DMD: variants seen among roughly 807,000 people sequenced by gnomAD.
The protein encoded by DMD is mutant dystrophin.
DMD carries 63 observed loss-of-function variants against 330.1 expected under a neutral mutation model. That is an observed-to-expected ratio of 0.19 (90% CI 0.16 to 0.24). The LOEUF is 0.24. Among genes scored for constraint, DMD ranks in the 10% least tolerant of loss-of-function variants. The pLI is 1.00. For missense variants in DMD, 3,344 were observed against 2,684.1 expected (o/e 1.25, Z -5.43); for synonymous variants, 1,223 against 959.8 (o/e 1.27, Z -5.07).
chrX:32,310,130 G>A lies in DMD; in HGVS notation c.6069C>T (p.Leu2023=). The A allele has an allele frequency of 8.3e-7, 1 of 1,209,406 alleles. No homozygotes were observed. Residue 2023 remains leucine, a synonymous_variant, in exon 42 of 79, where the codon CTC becomes CTT. Transcript: ENST00000357033. ...AGAGATCTTCAAAGTCCTTAGCACA[G>A]AGGTCAGGAGCATTGAGAAGTTGTT... ...EVEQLLNAPD[L]CAKDFEDLFK...
At chrX:32,862,417 G>A (rs2082136868) in intron 2 of DMD, among the ~76,000 whole-genome samples, 1 of 111,578 alleles carries the variant, frequency 9.0e-6, no homozygotes, top group South Asian at 3.7e-4. Context: ...TAAGTGGGAT[G>A]TTATGAACCC....
chrX:32,617,670 T>G (rs1002817091), intron 11 of DMD, among the ~76,000 whole-genome samples: 15 of 111,418 alleles, frequency 1.3e-4, no homozygotes, highest in African/African-American at 4.6e-4. Flanking sequence ...CTTTTGAATA[T>G]GACTGTAAAA....
At chrX:32,297,275 T>TTTA (rs1301304846) in intron 42 of DMD, among the ~76,000 whole-genome samples, 21 of 78,030 alleles carry the variant, frequency 2.7e-4, no homozygotes, top group African/African-American at 1.0e-3. Context: ...TTATTTATTA[T>TTTA]TTATTTATTT....
At chrX:31,584,217 C>T (rs1367686980) in intron 55 of DMD, among the ~76,000 whole-genome samples, 1 of 109,352 alleles carries the variant, frequency 9.1e-6, no homozygotes, top group Admixed American at 9.8e-5. Context: ...AGATATTAAG[C>T]CCAGCATGCA....
At chrX:32,489,652 A>G (rs2042808664) in intron 20 of DMD, among the ~76,000 whole-genome samples, 1 of 111,688 alleles carries the variant, frequency 9.0e-6, no homozygotes. Flanking sequence ...GACTCAGCTG[A>G]TTAATACACT....
At position 32,573,412 on chromosome X, in the gene DMD, T is replaced by C. The variant is rs66481382; in HGVS notation, c.1812+118A>G. On this transcript the variant is annotated intron_variant, in intron 15 of 78. Transcript: ENST00000357033. Reference sequence around the variant, plus strand: ...GTAGCAATATAACATCTTTGAATAATCTATGATCCAAGCAAAAATAAACAT... The same window carrying C: ...GTAGCAATATAACATCTTTGAATAACCTATGATCCAAGCAAAAATAAACAT... 11,204 of 597,430 alleles carry C rather than the reference T, an allele frequency of 0.019. 837 individuals are homozygous for C. In the African/African-American group the frequency reaches 0.22, roughly 12 times the overall value. 49.2% of individuals were successfully genotyped at this position (597,430 alleles called of 1,213,427 possible).
intron 44 of DMD, among the ~76,000 whole-genome samples, chrX:32,137,224 A>G (rs773868772): frequency 9.9e-5 from 11 of 111,511 alleles, no homozygotes; most frequent in Non-Finnish European, 1.9e-4. Flanking sequence ...TGATTTGTGT[A>G]TGCCATCGCC....
In DMD at chrX:32,365,117, C is replaced by G. The variant is rs373723470; in HGVS notation, c.4928G>C (p.Gly1643Ala). 1.7e-6 allele frequency: 2 copies of G among 1,208,571 alleles called. No individual in the cohort carries two copies. The highest frequency in any genetic ancestry group is 2.2e-6 in the Non-Finnish European group (2 of 894,649). Residue 1643 changes from glycine (G) to alanine (A), a missense_variant, in exon 35 of 79, where the codon GGC (glycine) becomes GCC (alanine). Gly to Ala is a moderately conservative substitution (Grantham distance 60). Coordinates refer to ENST00000357033, the MANE Select transcript of DMD (RefSeq NM_004006.3). ...ATCTTCCACCAACGTCTCCTTCTTG[C>G]CCAAAACTGTTTTCAAGGCCTCTCC... is the stretch of plus-strand genomic sequence containing the variant. Reference protein sequence around the residue: ...EVGEALKTVLGKKETLVEDKL... With the variant: ...EVGEALKTVLAKKETLVEDKL...
chrX:32,999,897 T>C (rs1209800173), intron 2 of DMD, among the ~76,000 whole-genome samples: 1 of 112,986 alleles, frequency 8.9e-6, no homozygotes, highest in Non-Finnish European at 1.9e-5. Context: ...CATTGTTGCA[T>C]ACTTGAAGCG....
At chrX:31,868,443 A>G (rs972364379) in intron 48 of DMD, among the ~76,000 whole-genome samples, 1 of 112,035 alleles carries the variant, frequency 8.9e-6, no homozygotes. Flanking sequence ...TTTTCATGGC[A>G]ATATAATTAT....
At chrX:33,010,668 C>CA (rs2093685672) in intron 2 of DMD, among the ~76,000 whole-genome samples, 1 of 111,344 alleles carries the variant, frequency 9.0e-6, no homozygotes, top group South Asian at 3.7e-4. Context: ...TTAACTCATT[C>CA]AGTTTTTGAG....
chrX:32,353,239 C>G (rs1188923674), intron 37 of DMD, among the ~76,000 whole-genome samples: 1 of 111,263 alleles, frequency 9.0e-6, no homozygotes, highest in Admixed American at 9.5e-5. Context: ...TAGGCTATGC[C>G]CATTCTAAAA....
Position 31,507,403 on chromosome X carries a change from A to T in DMD, c.8268T>A (p.Asp2756Glu). ...EAHTDVYHNLDENSQKILRSL... is the reference protein window; with the variant it reads ...EAHTDVYHNLEENSQKILRSL... The stretch of plus-strand genomic sequence containing the variant: ...ATCTCAGGATTTTTTGGCTGTTTTC[A>T]TCCAGGTTGTGATAAACATCTGTGT... Residue 2756 changes from aspartate to glutamate, a missense_variant, in exon 56 of 79, where the codon GAT (aspartate) becomes GAA (glutamate). Asp to Glu is a conservative substitution (Grantham distance 45). Transcript: ENST00000357033. 1.7e-6 allele frequency: 2 copies of T among 1,211,109 alleles called. No individual in the cohort carries two copies. Among genetic ancestry groups the T allele is most frequent in the Non-Finnish European group, 2.2e-6 (2 of 894,963 alleles).
chrX:33,009,691 CAT>C (rs1491487852), intron 2 of DMD, among the ~76,000 whole-genome samples: 5 of 38,919 alleles, frequency 1.3e-4, no homozygotes, highest in Non-Finnish European at 2.6e-4. Flanking sequence ...TGTATATGCA[CAT>C]ATGTGTGTAT....
At chrX:31,233,649 T>C (rs896840072) in intron 63 of DMD, among the ~76,000 whole-genome samples, 2 of 112,153 alleles carry the variant, frequency 1.8e-5, no homozygotes, top group African/African-American at 6.5e-5. Context: ...GTAAATTTCC[T>C]CATCTGCTTT....
At chrX:33,203,187 C>T (rs902271220) in intron 1 of DMD, among the ~76,000 whole-genome samples, 5 of 111,825 alleles carry the variant, frequency 4.5e-5, no homozygotes, top group Admixed American at 9.5e-5. Flanking sequence ...ATTAACTAAA[C>T]TAGCATTAAA....
At chrX:31,405,707 T>A (rs949327023) in intron 60 of DMD, among the ~76,000 whole-genome samples, 6 of 111,817 alleles carry the variant, frequency 5.4e-5, no homozygotes, top group African/African-American at 1.6e-4. Flanking sequence ...ATAATAGATG[T>A]AAATCAATTT....
chrX:32,303,238 G>A (rs1175190643), intron 42 of DMD, among the ~76,000 whole-genome samples: 2 of 110,858 alleles, frequency 1.8e-5, no homozygotes, highest in Admixed American at 9.6e-5. Context: ...TAGTACCAGC[G>A]CTTACTAACA....
chrX:31,576,114 T>C (rs2076085773), intron 55 of DMD, among the ~76,000 whole-genome samples: 1 of 112,207 alleles, frequency 8.9e-6, no homozygotes, highest in Admixed American at 9.5e-5. Flanking sequence ...CTCCCAATGA[T>C]AGCATTTTAA....
Sources: gnomAD v4.1 joint callset for allele counts (sites outside exome capture counted in the v4.1 genomes callset) on GRCh38, gnomAD v4.1.1 for gene constraint, MANE v1.5 for transcripts, NCBI Gene and HGNC (gene_info 2026-07-23, HGNC 2026-07-21) for gene names.